KCNC2: variants seen among roughly 807,000 people sequenced by gnomAD.
KCNC2 encodes potassium voltage-gated channel subfamily C member 2, also known as voltage-gated potassium channel KCNC2.
Under a neutral mutation model 44.5 loss-of-function variants are expected in KCNC2, and 21 were observed. The ratio of observed to expected loss-of-function variants is 0.47; its 90% CI spans 0.33 to 0.68. The LOEUF (loss-of-function observed/expected upper bound fraction) is 0.68, where lower values mean the gene tolerates loss of function less well. KCNC2 is among the 30% of genes least tolerant of loss of function. The probability of loss-of-function intolerance (pLI) is 0.01; values close to 1 mark genes in which losing one functional copy is unlikely to be tolerated. For synonymous variants in KCNC2, 391 were observed against 339.1 expected (o/e 1.15, Z -1.68); for missense variants, 589 against 826.2 (o/e 0.71, Z 3.52).
At chr12:75,134,951 T>G (rs1217598682) in intron 2 of KCNC2, among the ~76,000 whole-genome samples, 1 of 151,882 alleles carries the variant, frequency 6.6e-6, no homozygotes, top group East Asian at 1.9e-4. Context: ...CTTTATATAA[T>G]TATAATTACA....
rs924079075 is a variant in KCNC2, at chr12:75,153,519, A to G, written c.687+53778T>C. Among the ~76,000 whole-genome samples, 5 of 151,914 alleles carry G rather than the reference A, an allele frequency of 3.3e-5. No homozygotes were observed. In the East Asian group the frequency reaches 7.8e-4, roughly 24 times the overall value. The stretch of plus-strand genomic sequence containing the variant: ...GATAAGGATTTGCTTAATGGGTACA[A>G]GGTATATTACTTAGTGATAGCTACA... On this transcript the variant is annotated intron_variant, in intron 2 of 4. Transcript: ENST00000549446.
At chr12:75,174,397 A>G (rs1356962196) in intron 2 of KCNC2, among the ~76,000 whole-genome samples, 1 of 151,906 alleles carries the variant, frequency 6.6e-6, no homozygotes, top group Non-Finnish European at 1.5e-5. Flanking sequence ...AAGTAATTGA[A>G]TGGGCATCTT....
intron 2 of KCNC2, 51 bp from the exon 3 acceptor site, chr12:75,051,368 T>TGTTGATTCTA: frequency 9.8e-7 from 1 of 1,022,108 alleles, no homozygotes; most frequent in Non-Finnish European, 1.4e-6. Context: ...AATCGTAATA[T>TGTTGATTCTA]ATGTTGATTC....
rs917423967 is a variant in KCNC2, at chr12:75,201,268, A to C, written c.687+6029T>G. 2.2e-3 allele frequency among the ~76,000 whole-genome samples: 133 copies of C among 61,398 alleles called. 2 individuals are homozygous for C. Among genetic ancestry groups the C allele is most frequent in the African/African-American group, 0.011 (128 of 11,258 alleles). 40.3% of individuals were successfully genotyped at this position (61,398 alleles called of 152,430 possible). On this transcript the variant is annotated intron_variant, in intron 2 of 4. Coordinates refer to ENST00000549446, the MANE Select transcript of KCNC2 (RefSeq NM_139137.4). ...AAAGTTACAAACGAAATTGGAAAAAAAAAAAAAAAAAAAAAAAAAAAAAAA... is the reference window on the plus strand; with the variant it reads ...AAAGTTACAAACGAAATTGGAAAAACAAAAAAAAAAAAAAAAAAAAAAAAA...
rs181266115 is a variant in KCNC2 at position 75,189,097 on chromosome 12, C to G, written c.687+18200G>C. On this transcript the variant is annotated intron_variant, in intron 2 of 4. Transcript: ENST00000549446. The stretch of plus-strand genomic sequence containing the variant: ...CAGGACTAGTGAAATTTTAAAACTC[C>G]CTTCAGCTTGAAAGTTAGTTGGTGC... 5.1e-4 allele frequency among the ~76,000 whole-genome samples: 77 copies of G among 152,198 alleles called. No individual in the cohort carries two copies. In the East Asian group the frequency reaches 0.014, roughly 28 times the overall value.
At chr12:75,086,136 A>T (rs1884974583) in intron 2 of KCNC2, among the ~76,000 whole-genome samples, 1 of 152,018 alleles carries the variant, frequency 6.6e-6, no homozygotes, top group Non-Finnish European at 1.5e-5. Context: ...ACTAATGATG[A>T]CTCTAAAGTT....
At chr12:75,178,575 A>G (rs1311603786) in intron 2 of KCNC2, among the ~76,000 whole-genome samples, 1 of 152,060 alleles carries the variant, frequency 6.6e-6, no homozygotes, top group East Asian at 1.9e-4. Flanking sequence ...AAATTTGGAA[A>G]CTGGATTTGT....
chr12:75,148,472 G>C (rs534031370), intron 2 of KCNC2, among the ~76,000 whole-genome samples: 2 of 151,706 alleles, frequency 1.3e-5, no homozygotes, highest in South Asian at 2.1e-4. Flanking sequence ...GGAAATATTT[G>C]TTTTCTTTTG....
At chr12:75,043,545 T>C in intron 4 of KCNC2, 18 of 1,216,202 alleles carry the variant, frequency 1.5e-5, no homozygotes, top group South Asian at 2.9e-5. Context: ...ATTTAAAAAT[T>C]AGGCAAAGCA....
At chr12:75,174,024 T>C (rs1294169067) in intron 2 of KCNC2, among the ~76,000 whole-genome samples, 1 of 151,848 alleles carries the variant, frequency 6.6e-6, no homozygotes, top group Non-Finnish European at 1.5e-5. Flanking sequence ...TTTTTTCATA[T>C]TTAGTATAAT....
At position 75,207,618 on chromosome 12, in the gene KCNC2, C is replaced by T; in HGVS notation, c.366G>A (p.Lys122=). ...AYVLNYYRTG[K]LHCPADVCGP... ...CGCACACGTCTGCGGGGCAGTGCAG[C>T]TTGCCGGTGCGGTAGTAATTGAGCA... is the stretch of plus-strand genomic sequence containing the variant. Residue 122 remains lysine (K), a synonymous_variant, in exon 2 of 5, where the codon AAG becomes AAA. Transcript: ENST00000549446. This position sits in a 1 kb window ranked among gnomAD's most constrained non-coding sequence, Gnocchi z 4.1. The T allele has an allele frequency of 6.2e-7, 1 of 1,612,026 alleles. No homozygotes were observed. Among genetic ancestry groups the T allele is most frequent in the Non-Finnish European group, 8.5e-7 (1 of 1,179,876 alleles).
intron 2 of KCNC2, among the ~76,000 whole-genome samples, chr12:75,082,302 A>T (rs1484539406): frequency 1.3e-5 from 2 of 151,882 alleles, no homozygotes; most frequent in Non-Finnish European, 2.9e-5. Flanking sequence ...CAATAAAGGT[A>T]ATAATAATTT....
rs200804283 is a variant in KCNC2 at position 75,209,398 on chromosome 12, G to C, written c.-211C>G. 6.6e-6 allele frequency: 1 copy of C among 152,340 alleles called. No homozygotes were observed. Among genetic ancestry groups the C allele is most frequent in the Non-Finnish European group, 1.5e-5 (1 of 68,196 alleles). The allele number at this position is 152,340 out of a possible 1,614,324, so 9.4% of individuals were successfully genotyped here. ...TGGGGTGGGGGAGAAAGCCCCCGCC[G>C]GCCGCCGGCCGCGCTCCCCGCCTTC... is the stretch of plus-strand genomic sequence containing the variant. On this transcript the variant is annotated 5_prime_UTR_variant, in exon 1 of 5. Transcript: ENST00000549446.
At chr12:75,083,718 C>T (rs879270208) in intron 2 of KCNC2, among the ~76,000 whole-genome samples, 40 of 151,814 alleles carry the variant, frequency 2.6e-4, no homozygotes, top group Non-Finnish European at 3.8e-4. Context: ...AGGAAATTGG[C>T]AACTCAAATG....
intron 2 of KCNC2, among the ~76,000 whole-genome samples, chr12:75,162,566 C>G (rs74110439): frequency 6.6e-6 from 1 of 151,696 alleles, no homozygotes; most frequent in Admixed American, 6.6e-5. Context: ...TTTGGACCAT[C>G]ATGACATCCT....
intron 2 of KCNC2, among the ~76,000 whole-genome samples, chr12:75,169,967 A>G (rs1891702853): frequency 6.6e-6 from 1 of 151,728 alleles, no homozygotes; most frequent in Non-Finnish European, 1.5e-5. Flanking sequence ...AGGCGACATA[A>G]CATTAGCAAT....
At chr12:75,206,883 C>A (rs949304140) in intron 2 of KCNC2, among the ~76,000 whole-genome samples, 68 of 152,276 alleles carry the variant, frequency 4.5e-4, no homozygotes, top group Non-Finnish European at 4.3e-4. Context: ...AAGGGGGCCT[C>A]ACTGAAAATG....
intron 2 of KCNC2, among the ~76,000 whole-genome samples, chr12:75,135,715 T>C (rs1889178270): frequency 2.6e-5 from 4 of 152,044 alleles, no homozygotes; most frequent in Admixed American, 2.0e-4. Context: ...TGTCATCGAA[T>C]TGGTGACTAT....
intron 2 of KCNC2, among the ~76,000 whole-genome samples, chr12:75,054,427 G>C (rs1164908845): frequency 6.6e-6 from 1 of 152,150 alleles, no homozygotes; most frequent in Non-Finnish European, 1.5e-5. Context: ...AGCTCTCTAA[G>C]GAGAAGGAGG....
Sources: gnomAD v4.1 joint callset for allele counts (sites outside exome capture counted in the v4.1 genomes callset) on GRCh38, gnomAD v4.1.1 for gene constraint, Gnocchi (gnomAD v3.1) non-coding constraint, MANE v1.5 for transcripts, NCBI Gene and HGNC (gene_info 2026-07-23, HGNC 2026-07-21) for gene names.